PDE8B: variants seen among roughly 807,000 people sequenced by gnomAD.
The protein encoded by PDE8B is phosphodiesterase 8B.
PDE8B carries 26 observed loss-of-function variants against 101.3 expected under a neutral mutation model. The observed-to-expected ratio is 0.26, with a 90% CI of 0.19 to 0.36. The LOEUF is 0.36. Ranked by LOEUF, PDE8B falls within the 10% of genes least tolerant of loss-of-function variation. The probability of loss-of-function intolerance (pLI) is 1.00; values close to 1 mark genes in which losing one functional copy is unlikely to be tolerated. For missense variants in PDE8B, 810 were observed against 1,163.1 expected (o/e 0.70, Z 4.42); for synonymous variants, 424 against 429.3 (o/e 0.99, Z 0.15).
chr5:77,308,592 A>G (rs752619113), intron 1 of PDE8B, among the ~76,000 whole-genome samples: 1 of 152,160 alleles, frequency 6.6e-6, no homozygotes, highest in Non-Finnish European at 1.5e-5. Flanking sequence ...TGTTGTGGCT[A>G]TGAGAGAAAG....
chr5:77,211,521 G>A lies in PDE8B; in HGVS notation c.339+257G>A, dbSNP rs1748407462. ...CTGGGCGGGGAAGGGAGCGCAGAAG[G>A]AAGCAGGTGGGCTGGCCTGTTCCTC... On this transcript the variant is annotated intron_variant, in intron 1 of 21. Transcript: ENST00000264917. This position sits in a 1 kb window ranked among gnomAD's most constrained non-coding sequence, Gnocchi z 4.1. Among the ~76,000 whole-genome samples, 1 of 152,254 alleles carries A rather than the reference G, an allele frequency of 6.6e-6. No individual in the cohort carries two copies. Among genetic ancestry groups the A allele is most frequent in the African/African-American group, 2.4e-5 (1 of 41,472 alleles).
the PDE8B span, among the ~76,000 whole-genome samples, chr5:77,132,177 T>C: frequency 6.6e-6 from 1 of 152,204 alleles, no homozygotes; most frequent in Non-Finnish European, 1.5e-5. Context: ...TATGTACATA[T>C]TTTTACACAA....
At chr5:77,356,577 G>A (rs915791645) in intron 10 of PDE8B, among the ~76,000 whole-genome samples, 5 of 152,086 alleles carry the variant, frequency 3.3e-5, no homozygotes, top group African/African-American at 1.2e-4. Flanking sequence ...TTATAGGTTT[G>A]CGCCACAGTG....
At chr5:77,135,156 A>G in the PDE8B span, among the ~76,000 whole-genome samples, 6 of 152,226 alleles carry the variant, frequency 3.9e-5, no homozygotes, top group African/African-American at 1.2e-4. Flanking sequence ...GGCTGGACAC[A>G]GTGTCACAGT....
Position 77,299,786 on chromosome 5 carries a change from C to T in PDE8B, c.340-12208C>T, listed in dbSNP as rs545153733. 3.3e-5 allele frequency among the ~76,000 whole-genome samples: 5 copies of T among 152,142 alleles called. No homozygotes were observed. The South Asian group carries it at 1.0e-3, about 32-fold the overall frequency. ...GATTTACAATCCTTTGGGTATATAC[C>T]CAGTAATGGGGTGGCTGGGTCAAAT... On this transcript the variant is annotated intron_variant, in intron 1 of 21. Transcript: ENST00000264917.
At chr5:77,131,387 A>T in the PDE8B span, among the ~76,000 whole-genome samples, 1,181 of 152,170 alleles carry the variant, frequency 7.8e-3, 17 homozygotes, top group African/African-American at 0.027. Context: ...CCCTCTTTCC[A>T]CCCACGTTCC....
At chr5:77,253,821 G>A (rs553858009) in intron 1 of PDE8B, among the ~76,000 whole-genome samples, 8 of 152,142 alleles carry the variant, frequency 5.3e-5, no homozygotes, top group African/African-American at 1.9e-4. Flanking sequence ...TTTTCTCTTA[G>A]TTAAATTGAT....
intron 12 of PDE8B, 81 bp downstream of exon 12, chr5:77,404,878 A>G: frequency 1.2e-6 from 1 of 868,898 alleles, no homozygotes; most frequent in South Asian, 1.4e-5. Flanking sequence ...TCATCAGCGT[A>G]TAAACTCCAA....
chr5:77,357,126 T>C (rs1782255085), intron 10 of PDE8B, among the ~76,000 whole-genome samples: 1 of 152,070 alleles, frequency 6.6e-6, no homozygotes, highest in African/African-American at 2.4e-5. Context: ...CTGCAGAAAG[T>C]TAGGTCTCAC....
At chr5:77,106,881 A>G in the PDE8B span, among the ~76,000 whole-genome samples, 1 of 151,748 alleles carries the variant, frequency 6.6e-6, no homozygotes, top group African/African-American at 2.4e-5. Context: ...TGTATTTTTT[A>G]TTTTATTTTA....
At chr5:77,196,477 C>A in the PDE8B span, among the ~76,000 whole-genome samples, 5 of 152,062 alleles carry the variant, frequency 3.3e-5, no homozygotes, top group Non-Finnish European at 5.9e-5. Context: ...AAATTTCATT[C>A]TTTTGCACAT....
At position 77,408,962 on chromosome 5, in the gene PDE8B, C is replaced by A; in HGVS notation, c.1435C>A (p.Leu479Ile). ...VTVAEALDRV[L>I]EILRTTELYS... ...AGTAGCGGAAGCCTTGGACAGAGTTCTAGAGATTTTACGGACCACAGAACT... is the reference window on the plus strand; with the variant it reads ...AGTAGCGGAAGCCTTGGACAGAGTTATAGAGATTTTACGGACCACAGAACT... The change falls in exon 14 of 22, where the codon CTA becomes ATA. Residue 479 changes from leucine (L) to isoleucine (I), a missense_variant. Physicochemically the swap from Leu to Ile is conservative, Grantham distance 5. Transcript: ENST00000264917. The A allele has an allele frequency of 6.2e-7, 1 of 1,613,162 alleles. No individual in the cohort carries two copies. The highest frequency in any genetic ancestry group is 8.5e-7 in the Non-Finnish European group (1 of 1,179,124).
At chr5:77,343,892 T>A (rs1779674703) in intron 6 of PDE8B, among the ~76,000 whole-genome samples, 1 of 125,908 alleles carries the variant, frequency 7.9e-6, no homozygotes, top group East Asian at 2.1e-4. Context: ...TTTTTTTTTT[T>A]ACTTTTTCAA....
At chr5:77,425,654 AT>A (rs1797917629) in intron 20 of PDE8B, 112 bp from the exon 21 acceptor site, 3 of 1,091,716 alleles carry the variant, frequency 2.7e-6, no homozygotes, top group Non-Finnish European at 4.2e-6. Context: ...CTATTTCTTC[AT>A]TGAGAAAACT....
rs1580329810 is a variant in PDE8B, at chr5:77,211,085, C to A, written c.160C>A (p.Pro54Thr). ...FVQTDAADAIPPSRASGPPSV... is the reference protein window; with the variant it reads ...FVQTDAADAITPSRASGPPSV... ...CCAGACCGACGCCGCCGACGCCATC[C>A]CCCCGAGCCGCGCGTCGGGACCCCC... The change falls in exon 1 of 22, where the codon CCC becomes ACC. Residue 54 changes from proline (P) to threonine (T), a missense_variant. Around this residue, in one of 4 missense-constraint regions of PDE8B, gnomAD observed 159 missense variants for 146.6 expected, o/e 1.08. Coordinates refer to ENST00000264917, the MANE Select transcript of PDE8B (RefSeq NM_003719.5). The surrounding 1 kb of genome is among the most constrained non-coding windows in gnomAD (Gnocchi z 4.1). 7 of 1,497,876 alleles carry A rather than the reference C, an allele frequency of 4.7e-6. No homozygotes were observed. The highest frequency in any genetic ancestry group is 1.2e-5 in the South Asian group (1 of 80,306). The allele number at this position is 1,497,876 out of a possible 1,614,324, so 92.8% of individuals were successfully genotyped here. A position where few individuals can be genotyped will look rare whatever the true frequency, so the allele number is the denominator to read the frequency against.
At chr5:77,106,690 G>T in the PDE8B span, among the ~76,000 whole-genome samples, 1 of 152,072 alleles carries the variant, frequency 6.6e-6, no homozygotes, top group African/African-American at 2.4e-5. Context: ...AATTTGGGGA[G>T]AATCTCCATC....
intron 10 of PDE8B, among the ~76,000 whole-genome samples, chr5:77,378,787 A>G (rs1000428594): frequency 6.6e-6 from 1 of 152,204 alleles, no homozygotes; most frequent in African/African-American, 2.4e-5. Flanking sequence ...ACCCAGACCT[A>G]CTGAGTCAGC....
At chr5:77,214,360 G>A (rs1176055761) in intron 1 of PDE8B, among the ~76,000 whole-genome samples, 1 of 152,164 alleles carries the variant, frequency 6.6e-6, no homozygotes, top group Non-Finnish European at 1.5e-5. Flanking sequence ...GTTTCCAGAT[G>A]GCAGCATCAC....
rs180836124 is a variant in PDE8B at position 77,295,969 on chromosome 5, T to C, written c.340-16025T>C. 9.3e-4 allele frequency among the ~76,000 whole-genome samples: 141 copies of C among 152,308 alleles called. 1 individual carries two copies. The highest frequency in any genetic ancestry group is 4.4e-5 in the Non-Finnish European group (3 of 68,026). ...TATTTATTAAAAGTAGAATAGCTTTTTCCCAGCATTGCTAGCAAAATCCTG... is the reference window on the plus strand; with the variant it reads ...TATTTATTAAAAGTAGAATAGCTTTCTCCCAGCATTGCTAGCAAAATCCTG... On this transcript the variant is annotated intron_variant, in intron 1 of 21. Coordinates refer to ENST00000264917, the MANE Select transcript of PDE8B (RefSeq NM_003719.5).
Sources: gnomAD v4.1 joint callset for allele counts (sites outside exome capture counted in the v4.1 genomes callset) on GRCh38, gnomAD v4.1.1 for gene constraint, gnomAD v4.1.1 regional missense constraint, Gnocchi (gnomAD v3.1) non-coding constraint, MANE v1.5 for transcripts, NCBI Gene and HGNC (gene_info 2026-07-23, HGNC 2026-07-21) for gene names.